TAFA2: variants seen among roughly 807,000 people sequenced by gnomAD.
TAFA2 encodes the protein TAFA chemokine like family member 2.
A neutral mutation model predicts 18.8 loss-of-function variants in TAFA2; 7 were observed. The observed-to-expected ratio is 0.37, with a 90% CI of 0.21 to 0.70. The LOEUF (loss-of-function observed/expected upper bound fraction) is 0.70. TAFA2 is among the 30% of genes least tolerant of loss of function. The pLI is 0.53. For missense variants in TAFA2, 122 were observed against 158.1 expected, an observed-to-expected ratio of 0.77 and a Z score of 1.23; for synonymous variants, 60 against 54.2, an observed-to-expected ratio of 1.11 and a Z score of -0.47.
chr12:62,196,285 A>C (rs1460986858), upstream of TAFA2, among the ~76,000 whole-genome samples: 4 of 152,210 alleles, frequency 2.6e-5, no homozygotes, highest in Non-Finnish European at 2.9e-5. Context: ...CTATGTCAGC[A>C]ATAAGACTGT....
chr12:62,233,370 T>A (rs2062821562), intron 1 of TAFA2, among the ~76,000 whole-genome samples: 1 of 152,104 alleles, frequency 6.6e-6, no homozygotes, highest in Admixed American at 6.6e-5. Context: ...TGTGAGCCAC[T>A]GTGTTCAGCC....
At chr12:62,234,397 G>T in intron 1 of TAFA2, 1 of 687,302 alleles carries the variant, frequency 1.5e-6, no homozygotes, top group East Asian at 3.3e-5. Flanking sequence ...CTAAGGACCA[G>T]GAACAGGACC....
intron 1 of TAFA2, among the ~76,000 whole-genome samples, chr12:62,135,126 T>C (rs1870843970): frequency 6.6e-6 from 1 of 152,080 alleles, no homozygotes; most frequent in South Asian, 2.1e-4. Context: ...CATGGTAAGC[T>C]CTATGGAGTC....
chr12:61,848,122 G>A (rs1873483010), intron 2 of TAFA2, among the ~76,000 whole-genome samples: 1 of 152,112 alleles, frequency 6.6e-6, no homozygotes, highest in Non-Finnish European at 1.5e-5. Context: ...CTACTAACAG[G>A]TGACACTGAG....
intron 2 of TAFA2, among the ~76,000 whole-genome samples, chr12:61,865,140 C>T (rs1874299805): frequency 1.3e-5 from 2 of 152,104 alleles, no homozygotes; most frequent in Admixed American, 1.3e-4. Flanking sequence ...TCTTTTGCTC[C>T]TTTGAAATGA....
intron 1 of TAFA2, among the ~76,000 whole-genome samples, chr12:62,147,609 A>G (rs2062294933): frequency 6.7e-6 from 1 of 149,994 alleles, no homozygotes; most frequent in Admixed American, 6.6e-5. Context: ...GGGGGCCTGT[A>G]GTCCCAGCTA....
intron 1 of TAFA2, among the ~76,000 whole-genome samples, chr12:62,203,154 G>T (rs1173242197): frequency 6.6e-6 from 1 of 152,276 alleles, no homozygotes; most frequent in East Asian, 1.9e-4. Flanking sequence ...TTCTGAGGGG[G>T]TTTCTTAAGT....
intron 4 of TAFA2, among the ~76,000 whole-genome samples, chr12:61,730,269 A>C (rs73322455): frequency 0.015 from 2,267 of 152,226 alleles, 50 homozygotes; most frequent in African/African-American, 0.05. Flanking sequence ...TGTTATAGGC[A>C]GTGGAATTAG....
chr12:62,131,458 G>A (rs1870682092), intron 1 of TAFA2, among the ~76,000 whole-genome samples: 1 of 151,980 alleles, frequency 6.6e-6, no homozygotes, highest in African/African-American at 2.4e-5. Context: ...CAGGGCTTCA[G>A]GCATGTTACC....
intron 4 of TAFA2, among the ~76,000 whole-genome samples, chr12:61,752,612 T>A (rs1463065958): frequency 2.6e-5 from 4 of 152,022 alleles, no homozygotes; most frequent in African/African-American, 9.7e-5. Context: ...TGAAATATGT[T>A]TTTATTCATG....
intron 1 of TAFA2, among the ~76,000 whole-genome samples, chr12:62,137,045 G>T (rs1870923540): frequency 6.6e-6 from 1 of 152,066 alleles, no homozygotes; most frequent in Non-Finnish European, 1.5e-5. Context: ...TTAAACATGG[G>T]ACTGAAGCTT....
At chr12:62,164,117 C>A (rs1054664532) in intron 1 of TAFA2, among the ~76,000 whole-genome samples, 3 of 152,098 alleles carry the variant, frequency 2.0e-5, no homozygotes, top group Non-Finnish European at 2.9e-5. Context: ...TTCACAAGTA[C>A]GATTCAAAGA....
At chr12:61,794,485 A>C (rs978948951) in intron 2 of TAFA2, among the ~76,000 whole-genome samples, 1 of 152,078 alleles carries the variant, frequency 6.6e-6, no homozygotes, top group Non-Finnish European at 1.5e-5. Context: ...TAAGATCTTC[A>C]CACTGAAAAT....
chr12:62,116,442 T>C (rs189003873), intron 1 of TAFA2, among the ~76,000 whole-genome samples: 1 of 152,324 alleles, frequency 6.6e-6, no homozygotes, highest in East Asian at 1.9e-4. Context: ...ACTGCTCTCA[T>C]GTGCAAACCT....
intron 1 of TAFA2, among the ~76,000 whole-genome samples, chr12:62,216,545 G>C (rs755639222): frequency 1.3e-5 from 2 of 152,196 alleles, no homozygotes; most frequent in Non-Finnish European, 2.9e-5. Context: ...TGACAGTAAA[G>C]TAAGGCAAAC....
At chr12:61,727,469 T>G (rs1870223314) in intron 4 of TAFA2, among the ~76,000 whole-genome samples, 1 of 151,998 alleles carries the variant, frequency 6.6e-6, no homozygotes, top group Non-Finnish European at 1.5e-5. Flanking sequence ...TTCCATGAAT[T>G]TATCTATCTC....
intron 1 of TAFA2, among the ~76,000 whole-genome samples, chr12:61,925,711 G>A (rs1397199714): frequency 6.6e-6 from 1 of 152,060 alleles, no homozygotes; most frequent in Non-Finnish European, 1.5e-5. Flanking sequence ...AGTGTGTAGA[G>A]GGAAATTTAT....
chr12:61,999,040 G>C (rs760208586), intron 1 of TAFA2, among the ~76,000 whole-genome samples: 1 of 152,160 alleles, frequency 6.6e-6, no homozygotes, highest in African/African-American at 2.4e-5. Context: ...CTGCATGAAC[G>C]AGATCTAGTT....
intron 2 of TAFA2, among the ~76,000 whole-genome samples, chr12:61,755,449 T>C (rs1319006598): frequency 6.6e-6 from 1 of 152,072 alleles, no homozygotes; most frequent in Non-Finnish European, 1.5e-5. Context: ...ATAAAGCTTG[T>C]GTTCTTCTAG....
Sources: allele counts gnomAD v4.1 joint callset (sites outside exome capture counted in the v4.1 genomes callset), GRCh38; gene constraint gnomAD v4.1.1; transcripts MANE v1.5; gene names NCBI Gene and HGNC (gene_info 2026-07-23, HGNC 2026-07-21).